The following WDPCP variants were observed in gnomAD, a reference collection of about 807,000 sequenced individuals.
The protein encoded by WDPCP is WD repeat-containing and planar cell polarity effector protein fritz homolog.
Under a neutral mutation model 93.1 loss-of-function variants are expected in WDPCP, and 71 were observed. The ratio of observed to expected loss-of-function variants is 0.76; its 90% CI spans 0.63 to 0.93. WDPCP has a LOEUF of 0.93. Among genes scored for constraint, WDPCP ranks in the 40% least tolerant of loss-of-function variants. The pLI is 0.00. For synonymous variants in WDPCP, 315 were observed against 315.0 expected (o/e 1.00, Z 0.00); for missense variants, 844 against 887.4 (o/e 0.95, Z 0.62).
At chr2:63,706,810 G>A (rs1459183610) in intron 2 of WDPCP, among the ~76,000 whole-genome samples, 1 of 151,436 alleles carries the variant, frequency 6.6e-6, no homozygotes, top group Non-Finnish European at 1.5e-5. Flanking sequence ...TAGAGATGGG[G>A]TTTCACCTTG....
At chr2:63,133,345 T>G (rs1670411847) in intron 17 of WDPCP, among the ~76,000 whole-genome samples, 1 of 152,212 alleles carries the variant, frequency 6.6e-6, no homozygotes, top group Non-Finnish European at 1.5e-5. Flanking sequence ...AGCAGAGATC[T>G]GAGTTAGGTG....
chr2:63,255,473 C>T (rs1681057601), intron 14 of WDPCP, among the ~76,000 whole-genome samples: 1 of 152,112 alleles, frequency 6.6e-6, no homozygotes, highest in African/African-American at 2.4e-5. Context: ...GCTTGGTGCC[C>T]TCCCCATGGT....
intron 6 of WDPCP, among the ~76,000 whole-genome samples, chr2:63,459,595 A>G (rs1698869270): frequency 6.6e-6 from 1 of 152,206 alleles, no homozygotes; most frequent in South Asian, 2.1e-4. Context: ...TACAACCACT[A>G]TGGAAAATAG....
chr2:63,416,858 G>C (rs1348480531), intron 9 of WDPCP, among the ~76,000 whole-genome samples: 2 of 152,074 alleles, frequency 1.3e-5, no homozygotes. Context: ...TTAAATACTT[G>C]GGTTCAGAAT....
rs1309367407 is a variant in WDPCP at position 63,606,756 on chromosome 2, TC to T, written n.488+43902del. The stretch of plus-strand genomic sequence containing the variant: ...ATCTGGATTTTTATTTACTTTAGAA[TC>T]AGACTTTAAAACGATATACCTCTAA... On this transcript the variant is annotated intron_variant and non_coding_transcript_variant, in intron 3 of 4. Coordinates refer to the WDPCP transcript ENST00000467687. 20 of 684,042 alleles carry T rather than the reference TC, an allele frequency of 2.9e-5. No homozygotes were observed. The African/African-American group carries it at 3.2e-4, about 11-fold the overall frequency. The allele number at this position is 684,042 out of a possible 1,614,324, so 42.4% of individuals were successfully genotyped here.
chr2:63,330,781 C>A (rs1015060560), intron 12 of WDPCP, among the ~76,000 whole-genome samples: 5 of 150,042 alleles, frequency 3.3e-5, no homozygotes, highest in Non-Finnish European at 7.4e-5. Context: ...AAGCATCCCT[C>A]TTAGAACTGT....
At chr2:63,397,462 G>A (rs1693822884) in intron 10 of WDPCP, among the ~76,000 whole-genome samples, 1 of 152,276 alleles carries the variant, frequency 6.6e-6, no homozygotes, top group Middle Eastern at 3.4e-3. Flanking sequence ...GTGGAGTCAG[G>A]AATGGTCTGG....
chr2:63,340,195 G>C (rs1370115262), intron 12 of WDPCP, among the ~76,000 whole-genome samples: 3 of 151,724 alleles, frequency 2.0e-5, no homozygotes, highest in Admixed American at 6.6e-5. Context: ...CCTCCTTTTT[G>C]GCTCAAGGTG....
chr2:63,417,814 G>C (rs1231729265), intron 9 of WDPCP, among the ~76,000 whole-genome samples: 2 of 149,216 alleles, frequency 1.3e-5, no homozygotes, highest in East Asian at 3.9e-4. Flanking sequence ...AAGTAGATTG[G>C]AATTTCAATT....
At chr2:63,806,208 G>A (rs550343899) in intron 2 of WDPCP, among the ~76,000 whole-genome samples, 52 of 152,146 alleles carry the variant, frequency 3.4e-4, no homozygotes, top group Admixed American at 9.8e-4. Flanking sequence ...CCTAAGCGTC[G>A]GCCAGCTTGA....
chr2:63,180,588 A>T (rs552365682), intron 14 of WDPCP, among the ~76,000 whole-genome samples: 30 of 152,262 alleles, frequency 2.0e-4, no homozygotes, highest in South Asian at 1.7e-3. Flanking sequence ...TCCTTCACTG[A>T]TGTAAACGTA....
chr2:63,597,307 G>A (rs960260215), intron 3 of WDPCP: 3 of 1,281,608 alleles, frequency 2.3e-6, no homozygotes, highest in Non-Finnish European at 3.0e-6. Context: ...CTTGCAACAA[G>A]TGAAAGAATT....
chr2:63,128,867 C>T (rs530794647), intron 17 of WDPCP, among the ~76,000 whole-genome samples: 11 of 152,238 alleles, frequency 7.2e-5, no homozygotes, highest in South Asian at 2.1e-4. Context: ...GGGGTTTCTC[C>T]GTGTTGGTCA....
chr2:63,839,482 C>T, the WDPCP span, among the ~76,000 whole-genome samples: 1 of 152,208 alleles, frequency 6.6e-6, no homozygotes, highest in African/African-American at 2.4e-5. Context: ...CGCTTGAACC[C>T]GGGAGGCGGA....
chr2:63,432,767 G>T (rs980368396), intron 9 of WDPCP, among the ~76,000 whole-genome samples: 1 of 152,074 alleles, frequency 6.6e-6, no homozygotes, highest in Non-Finnish European at 1.5e-5. Flanking sequence ...GCACTTTTTA[G>T]ACCTGTTAGA....
At chr2:63,820,712 C>T (rs1293409533) in intron 1 of WDPCP, among the ~76,000 whole-genome samples, 1 of 152,010 alleles carries the variant, frequency 6.6e-6, no homozygotes. Flanking sequence ...TTTTAGGAAA[C>T]GGTGGTTTTT....
At chr2:63,250,086 A>G (rs1559246722) in intron 14 of WDPCP, among the ~76,000 whole-genome samples, 1 of 152,200 alleles carries the variant, frequency 6.6e-6, no homozygotes, top group Non-Finnish European at 1.5e-5. Context: ...TGAGAGCACC[A>G]TAAGATGCAT....
chr2:63,124,624 G>C (rs1669768723), intron 17 of WDPCP, among the ~76,000 whole-genome samples: 1 of 152,120 alleles, frequency 6.6e-6, no homozygotes, highest in African/African-American at 2.4e-5. Flanking sequence ...GATCATCTCA[G>C]TTTATTATGT....
intron 1 of WDPCP, among the ~76,000 whole-genome samples, chr2:63,587,092 T>G (rs1365973619): frequency 6.6e-6 from 1 of 152,168 alleles, no homozygotes; most frequent in Non-Finnish European, 1.5e-5. Flanking sequence ...TGGAAGAAAT[T>G]TTTCGTAACT....
Sources: allele counts gnomAD v4.1 joint callset (sites outside exome capture counted in the v4.1 genomes callset), GRCh38; gene constraint gnomAD v4.1.1; transcripts MANE v1.5; gene names NCBI Gene and HGNC (gene_info 2026-07-23, HGNC 2026-07-21).